FAM13A: variants seen among roughly 807,000 people sequenced by gnomAD.
The protein encoded by FAM13A is protein FAM13A.
In FAM13A, 76 loss-of-function variants were observed where a neutral mutation model predicts 129.6. That is an observed-to-expected ratio of 0.59 (90% CI 0.49 to 0.71). FAM13A has a LOEUF of 0.71. Among genes scored for constraint, FAM13A ranks in the 30% least tolerant of loss-of-function variants. The pLI, the probability that FAM13A is intolerant of heterozygous loss-of-function variation, is 0.00. For missense variants in FAM13A, 1,108 were observed against 1,249.3 expected, an observed-to-expected ratio of 0.89 and a Z score of 1.70; for synonymous variants, 443 against 449.9, an observed-to-expected ratio of 0.98 and a Z score of 0.20.
At chr4:88,933,666 T>A (rs1448997373) in intron 5 of FAM13A, among the ~76,000 whole-genome samples, 2 of 152,198 alleles carry the variant, frequency 1.3e-5, no homozygotes, top group Non-Finnish European at 2.9e-5. Context: ...TCCTTTTGTA[T>A]TGCTGTTGTA....
intron 4 of FAM13A, among the ~76,000 whole-genome samples, chr4:88,955,028 C>T (rs182530929): frequency 6.4e-4 from 97 of 152,192 alleles, no homozygotes; most frequent in African/African-American, 2.2e-3. Flanking sequence ...CAGGTCAAGT[C>T]AGGGCAGTTA....
At chr4:88,731,276 T>A (rs755191324) in intron 23 of FAM13A, 51 bp downstream of exon 23, 12 of 829,070 alleles carry the variant, frequency 1.4e-5, no homozygotes, top group Non-Finnish European at 2.2e-5. Context: ...GAGGGATGGG[T>A]GTGTGTGGTG....
chr4:88,865,720 A>G (rs1450175868), intron 6 of FAM13A, among the ~76,000 whole-genome samples: 2 of 152,248 alleles, frequency 1.3e-5, no homozygotes, highest in East Asian at 3.8e-4. Flanking sequence ...ACAGCATGAA[A>G]GCAGCCACAG....
At chr4:88,891,834 G>A (rs1745373410) in intron 6 of FAM13A, among the ~76,000 whole-genome samples, 1 of 152,128 alleles carries the variant, frequency 6.6e-6, no homozygotes, top group South Asian at 2.1e-4. Context: ...ACCAAACACA[G>A]CAAATGTCAT....
At chr4:88,762,649 C>T (rs1181099511) in intron 13 of FAM13A, among the ~76,000 whole-genome samples, 1 of 152,032 alleles carries the variant, frequency 6.6e-6, no homozygotes, top group Non-Finnish European at 1.5e-5. Context: ...TCTTTAGGCT[C>T]CATAAACACT....
chr4:89,003,908 C>G (rs1360698790), intron 3 of FAM13A, among the ~76,000 whole-genome samples: 1 of 136,262 alleles, frequency 7.3e-6, no homozygotes, highest in Non-Finnish European at 1.6e-5. Context: ...AATACCAAAA[C>G]AATAGCTAAA....
intron 1 of FAM13A, among the ~76,000 whole-genome samples, chr4:89,030,594 C>A (rs1768556754): frequency 6.6e-6 from 1 of 151,978 alleles, no homozygotes; most frequent in African/African-American, 2.4e-5. Flanking sequence ...CTTAAATCAC[C>A]AACATTTAGT....
chr4:88,903,341 T>G (rs535212232), intron 6 of FAM13A, among the ~76,000 whole-genome samples: 2 of 152,286 alleles, frequency 1.3e-5, no homozygotes, highest in African/African-American at 4.8e-5. Context: ...GACTTCAAAC[T>G]ATAGTACAAG....
intron 6 of FAM13A, among the ~76,000 whole-genome samples, chr4:88,878,147 A>G (rs968132299): frequency 4.6e-5 from 7 of 152,032 alleles, no homozygotes; most frequent in East Asian, 3.9e-4. Flanking sequence ...AAAATTAGCC[A>G]GGCGTGGTGG....
At chr4:88,948,766 G>T (rs1756396454) in intron 4 of FAM13A, among the ~76,000 whole-genome samples, 1 of 152,212 alleles carries the variant, frequency 6.6e-6, no homozygotes, top group Admixed American at 6.5e-5. Flanking sequence ...TGGGATTACA[G>T]GTGTGAGTCA....
At chr4:89,045,222 G>A (rs1348084178) in intron 1 of FAM13A, among the ~76,000 whole-genome samples, 2 of 145,126 alleles carry the variant, frequency 1.4e-5, no homozygotes, top group Non-Finnish European at 3.1e-5. Context: ...CTCAGGAAAT[G>A]GGGAAAAGGA....
chr4:88,768,591 C>T (rs915301864), intron 11 of FAM13A, among the ~76,000 whole-genome samples: 1 of 151,914 alleles, frequency 6.6e-6, no homozygotes, highest in African/African-American at 2.4e-5. Context: ...CATATATATG[C>T]ACACACACAT....
At chr4:88,938,283 A>G in intron 4 of FAM13A, 42 bp from the exon 5 acceptor site, 1 of 1,505,884 alleles carries the variant, frequency 6.6e-7, no homozygotes, top group Non-Finnish European at 9.0e-7. Context: ...CTTAGTAAAC[A>G]CAACAGTGCC....
intron 11 of FAM13A, among the ~76,000 whole-genome samples, chr4:88,777,042 A>T (rs1408512142): frequency 3.3e-5 from 5 of 152,170 alleles, no homozygotes; most frequent in Admixed American, 3.3e-4. Context: ...CAGAAGTAGG[A>T]TTATTGGATA....
chr4:88,834,345 C>T (rs1301570990), intron 7 of FAM13A, among the ~76,000 whole-genome samples: 1 of 151,328 alleles, frequency 6.6e-6, no homozygotes, highest in Non-Finnish European at 1.5e-5. Flanking sequence ...TCTTTTTTTC[C>T]TCATTGAATT....
chr4:88,912,397 C>T (rs1422007945), intron 5 of FAM13A, among the ~76,000 whole-genome samples: 1 of 152,116 alleles, frequency 6.6e-6, no homozygotes, highest in Non-Finnish European at 1.5e-5. Flanking sequence ...GGACTTTGGA[C>T]TTGCACCATC....
At position 88,732,166 on chromosome 4, in the gene FAM13A, A is replaced by T. The variant is rs764538794; in HGVS notation, c.2679T>A (p.Asn893Lys). 1 of 1,612,896 alleles carries T rather than the reference A, an allele frequency of 6.2e-7. No homozygotes were observed. The highest frequency in any genetic ancestry group is 8.5e-7 in the Non-Finnish European group (1 of 1,179,372). ...EEEEGSEDDS[N>K]VKPDFMVTLK... ...GAGTGACCATGAAGTCTGGCTTCAC[A>T]TTGCTATCGTCTTCTGACCCCTCCT... is the stretch of plus-strand genomic sequence containing the variant. Residue 893 changes from asparagine (N) to lysine (K), a missense_variant, in exon 22 of 24, where the codon AAT becomes AAA. Physicochemically the swap from Asn to Lys is moderately conservative, Grantham distance 94. This residue lies in a region of FAM13A where 529 missense variants were observed against 621.2 expected (regional missense o/e 0.85). Coordinates refer to ENST00000264344, the MANE Select transcript of FAM13A (RefSeq NM_014883.4).
chr4:88,996,665 T>C (rs1763584197), intron 3 of FAM13A, among the ~76,000 whole-genome samples: 1 of 152,094 alleles, frequency 6.6e-6, no homozygotes, highest in Admixed American at 6.5e-5. Context: ...TCGGAGTACT[T>C]GGACCAGGGT....
intron 6 of FAM13A, among the ~76,000 whole-genome samples, chr4:88,875,618 G>A (rs1423843384): frequency 3.3e-5 from 5 of 152,072 alleles, no homozygotes; most frequent in Admixed American, 6.6e-5. Context: ...TTAAAATGGC[G>A]ATCATTAAAA....
Sources: allele counts gnomAD v4.1 joint callset (sites outside exome capture counted in the v4.1 genomes callset), GRCh38; gene constraint gnomAD v4.1.1; regional missense constraint gnomAD v4.1.1; transcripts MANE v1.5; gene names NCBI Gene and HGNC (gene_info 2026-07-23, HGNC 2026-07-21).